Variants in DIS3L observed in about 807,000 individuals in gnomAD.
The protein encoded by DIS3L is DIS3-like exonuclease 1.
Under a neutral mutation model 120.3 loss-of-function variants are expected in DIS3L, and 100 were observed. That is an observed-to-expected ratio of 0.83 (90% CI 0.71 to 0.98). The LOEUF (loss-of-function observed/expected upper bound fraction) is 0.98. Ranked by LOEUF, DIS3L falls within the 50% of genes least tolerant of loss-of-function variation. The pLI is 0.00. For missense variants in DIS3L, 1,196 were observed against 1,314.2 expected, an observed-to-expected ratio of 0.91 and a Z score of 1.39; for synonymous variants, 426 against 470.6, an observed-to-expected ratio of 0.91 and a Z score of 1.23.
chr15:66,322,957 C>G, intron 10 of DIS3L, 23 bp downstream of exon 10: 2 of 1,612,570 alleles, frequency 1.2e-6, no homozygotes, highest in Non-Finnish European at 8.5e-7. Context: ...GAAATCAGCT[C>G]TATGGTTGTG....
intron 9 of DIS3L, among the ~76,000 whole-genome samples, chr15:66,321,528 C>A (rs1324536609): frequency 1.3e-5 from 2 of 152,042 alleles, no homozygotes; most frequent in African/African-American, 4.8e-5. Flanking sequence ...CTTTGGGAGG[C>A]CAAGGCAGGT....
chr15:66,329,942 C>A, intron 14 of DIS3L: 1 of 983,804 alleles, frequency 1.0e-6, no homozygotes, highest in South Asian at 4.7e-5. Flanking sequence ...AAGACAGAAA[C>A]ATCACCTGTT....
At chr15:66,306,353 C>T (rs184409928) in intron 2 of DIS3L, among the ~76,000 whole-genome samples, 152 of 152,288 alleles carry the variant, frequency 1.0e-3, no homozygotes, top group Non-Finnish European at 1.7e-3. Flanking sequence ...GATAAATCCC[C>T]AAACTTATTT....
intron 14 of DIS3L, 146 bp from the exon 15 acceptor site, chr15:66,331,729 C>T (rs1459133072): frequency 1.1e-6 from 1 of 885,076 alleles, no homozygotes; most frequent in South Asian, 3.4e-5. Context: ...GGTTAAGTTC[C>T]CACAAAAAGT....
intron 12 of DIS3L, among the ~76,000 whole-genome samples, chr15:66,328,017 A>G (rs2092957107): frequency 6.6e-6 from 1 of 152,014 alleles, no homozygotes; most frequent in African/African-American, 2.4e-5. Flanking sequence ...GTGCCACTAC[A>G]CTCCAGCCTC....
rs1396026709 is a variant in DIS3L, at chr15:66,315,165, A to G, written c.944A>G (p.Asp315Gly). 6.2e-7 allele frequency: 1 copy of G among 1,614,060 alleles called. No homozygotes were observed. Among genetic ancestry groups the G allele is most frequent in the Non-Finnish European group, 8.5e-7 (1 of 1,179,966 alleles). Residue 315 changes from aspartate to glycine, a missense_variant, in exon 7 of 17, where the codon GAC becomes GGC. By Grantham distance (94) the Asp-to-Gly change is moderately conservative. Coordinates refer to ENST00000319212, the MANE Select transcript of DIS3L (RefSeq NM_001143688.3). ...AGAACCGTAGCCCTGTGTGAGAATGACTGTGACGACAAGGCTTCGGGCGAG... is the reference window on the plus strand; with the variant it reads ...AGAACCGTAGCCCTGTGTGAGAATGGCTGTGACGACAAGGCTTCGGGCGAG... Reference protein sequence around the residue: ...KGRTVALCENDCDDKASGESP... With the variant: ...KGRTVALCENGCDDKASGESP...
intron 8 of DIS3L, 94 bp downstream of exon 8, chr15:66,318,712 C>A: frequency 1.5e-6 from 2 of 1,299,242 alleles, no homozygotes; most frequent in East Asian, 2.4e-5. Flanking sequence ...TTGTTAATTC[C>A]TTTGCATATA....
chr15:66,325,933 T>G lies in DIS3L; in HGVS notation c.1770T>G (p.Tyr590Ter). The G allele has an allele frequency of 7.4e-6, 12 of 1,614,178 alleles. No individual in the cohort carries two copies. The highest frequency in any genetic ancestry group is 1.0e-5 in the Non-Finnish European group (12 of 1,180,042). The change falls in exon 12 of 17, where the codon TAT becomes TAG. Residue 590 changes from tyrosine to a stop codon, truncating the protein, a stop_gained. Coordinates refer to ENST00000319212, the MANE Select transcript of DIS3L (RefSeq NM_001143688.3). LOFTEE classifies it high-confidence loss of function. ...TIIRSAYKLF[Y>*]EAAQELLDGN... Reference sequence around the variant, plus strand: ...TTCGATCAGCATACAAACTGTTCTATGAAGCAGCCCAAGAACTACTGGATG... The same window carrying G: ...TTCGATCAGCATACAAACTGTTCTAGGAAGCAGCCCAAGAACTACTGGATG...
chr15:66,295,210 G>A (rs2092573571), intron 2 of DIS3L, 69 bp downstream of exon 2: 26 of 1,439,662 alleles, frequency 1.8e-5, no homozygotes, highest in African/African-American at 4.2e-5. Flanking sequence ...GTCCCTTGTC[G>A]GAGGGGGATG....
intron 7 of DIS3L, among the ~76,000 whole-genome samples, chr15:66,317,862 C>T (rs1369486956): frequency 2.0e-5 from 3 of 148,222 alleles, no homozygotes; most frequent in East Asian, 3.9e-4. Flanking sequence ...AAAAAAGAAA[C>T]GAACAAAAAC....
In DIS3L at chr15:66,318,501, T is replaced by G; in HGVS notation, c.1047T>G (p.Phe349Leu). The change falls in exon 8 of 17, where the codon TTT becomes TTG. Residue 349 changes from phenylalanine to leucine, a missense_variant. Coordinates refer to ENST00000319212, the MANE Select transcript of DIS3L (RefSeq NM_001143688.3). ...ACTGGCGGGATTATGTGGTGACATT[T>G]CCGTCCAAAGAAGAGGTCCAATCTC... Reference protein sequence around the residue: ...QKNWRDYVVTFPSKEEVQSQG... With the variant: ...QKNWRDYVVTLPSKEEVQSQG... The G allele has an allele frequency of 1.9e-6, 3 of 1,614,080 alleles. No homozygotes were observed. The highest frequency in any genetic ancestry group is 2.2e-5 in the South Asian group (2 of 91,078).
At chr15:66,330,129 C>T in intron 14 of DIS3L, 3 of 920,114 alleles carry the variant, frequency 3.3e-6, no homozygotes, top group South Asian at 1.0e-4. Context: ...AGTGAAACCC[C>T]ATCTCTACTA....
Position 66,315,179 on chromosome 15 carries a change from G to A in DIS3L, c.958G>A (p.Ala320Thr). 6.2e-7 allele frequency: 1 copy of A among 1,613,852 alleles called. No individual in the cohort carries two copies. Among genetic ancestry groups the A allele is most frequent in the South Asian group, 1.1e-5 (1 of 91,046 alleles). The change falls in exon 7 of 17, where the codon GCT becomes ACT. Residue 320 changes from alanine (A) to threonine (T), a missense_variant. Ala to Thr is a moderately conservative substitution (Grantham distance 58). Transcript: ENST00000319212. ...GTGTGAGAATGACTGTGACGACAAG[G>A]CTTCGGGCGAGTCCCCAAGTGAGCC... Reference protein sequence around the residue: ...ALCENDCDDKASGESPSEPMP... With the variant: ...ALCENDCDDKTSGESPSEPMP...
chr15:66,302,368 A>G (rs1227209164), intron 2 of DIS3L, among the ~76,000 whole-genome samples: 1 of 152,044 alleles, frequency 6.6e-6, no homozygotes, highest in Non-Finnish European at 1.5e-5. Flanking sequence ...TCCTGTCTCA[A>G]AAAAACAAAA....
At chr15:66,312,667 C>T (rs943210478) in intron 5 of DIS3L, among the ~76,000 whole-genome samples, 1 of 152,156 alleles carries the variant, frequency 6.6e-6, no homozygotes, top group African/African-American at 2.4e-5. Flanking sequence ...GAATCAGATA[C>T]AATTTTTATT....
Position 66,293,734 on chromosome 15 carries a change from C to T in DIS3L, c.138C>T (p.His46=), listed in dbSNP as rs1299390576. 5 of 1,266,122 alleles carry T rather than the reference C, an allele frequency of 3.9e-6. No individual in the cohort carries two copies. The highest frequency in any genetic ancestry group is 5.0e-6 in the Non-Finnish European group (5 of 1,003,416). The allele number at this position is 1,266,122 out of a possible 1,614,324, so 78.4% of individuals were successfully genotyped here. A position where few individuals can be genotyped will look rare whatever the true frequency, so the allele number is the denominator to read the frequency against. The change falls in exon 1 of 17, where the codon CAC becomes CAT. Residue 46 remains histidine, a splice_region_variant and synonymous_variant. Transcript: ENST00000319212. The part of the protein sequence containing the change: ...PLCPQPAACS[H]DGKLLSSDVT... Reference sequence around the variant, plus strand: ...GCCCGCAGCCCGCCGCCTGCAGCCACGGTCAGGGCCGGGGCGGGGGCGGGG... The same window carrying T: ...GCCCGCAGCCCGCCGCCTGCAGCCATGGTCAGGGCCGGGGCGGGGGCGGGG...
intron 4 of DIS3L, 132 bp from the exon 5 acceptor site, chr15:66,311,592 G>T: frequency 9.9e-7 from 1 of 1,009,596 alleles, no homozygotes; most frequent in Non-Finnish European, 1.5e-6. Flanking sequence ...GTGAGGCTCA[G>T]GAAGTCCTGC....
intron 2 of DIS3L, among the ~76,000 whole-genome samples, chr15:66,304,492 T>TATA (rs1238136228): frequency 6.6e-6 from 1 of 152,058 alleles, no homozygotes; most frequent in Non-Finnish European, 1.5e-5. Context: ...AAATTACTGA[T>TATA]ATAATATGTT....
At chr15:66,304,566 G>C (rs146210596) in intron 2 of DIS3L, among the ~76,000 whole-genome samples, 1,753 of 152,284 alleles carry the variant, frequency 0.012, 19 homozygotes, top group Middle Eastern at 0.031. Context: ...GTTAAGAAAA[G>C]CTGCCCTTCA....
Sources: allele counts gnomAD v4.1 joint callset (sites outside exome capture counted in the v4.1 genomes callset), GRCh38; gene constraint gnomAD v4.1.1; transcripts MANE v1.5; gene names NCBI Gene and HGNC (gene_info 2026-07-23, HGNC 2026-07-21).